Variants in COL26A1 observed in about 807,000 individuals in gnomAD.
The protein encoded by COL26A1 is collagen type XXVI alpha 1 chain.
COL26A1 carries 41 observed loss-of-function variants against 59.3 expected under a neutral mutation model. The observed-to-expected ratio is 0.69, with a 90% CI of 0.54 to 0.90. COL26A1 has a LOEUF of 0.90. COL26A1 is among the 40% of genes least tolerant of loss of function. The pLI is 0.00. For missense variants in COL26A1, 612 were observed against 602.3 expected (o/e 1.02, Z -0.17); for synonymous variants, 266 against 256.0 (o/e 1.04, Z -0.37).
intron 1 of COL26A1, among the ~76,000 whole-genome samples, chr7:101,375,714 A>G (rs2117016831): frequency 6.6e-6 from 1 of 152,004 alleles, no homozygotes; most frequent in African/African-American, 2.4e-5. Context: ...TTGGCCAGGC[A>G]CGGTGGCTCA....
chr7:101,500,864 CG>C (rs892230129), intron 3 of COL26A1, among the ~76,000 whole-genome samples: 5 of 151,508 alleles, frequency 3.3e-5, no homozygotes, highest in Non-Finnish European at 7.4e-5. Flanking sequence ...AGAAAAGTGC[CG>C]TGATTGTCTA....
intron 3 of COL26A1, among the ~76,000 whole-genome samples, chr7:101,489,796 T>TG (rs1794383730): frequency 5.4e-3 from 12 of 2,234 alleles, no homozygotes; most frequent in South Asian, 0.031. Context: ...CTTTCTTTCT[T>TG]TCTTTCTTTC....
intron 11 of COL26A1, among the ~76,000 whole-genome samples, chr7:101,555,417 C>T (rs1030141594): frequency 2.6e-5 from 4 of 152,112 alleles, no homozygotes; most frequent in Non-Finnish European, 5.9e-5. Context: ...GGTGCTCTGT[C>T]CTGGTTAGGG....
At chr7:101,515,982 G>A (rs908576127) in intron 3 of COL26A1, among the ~76,000 whole-genome samples, 12 of 152,252 alleles carry the variant, frequency 7.9e-5, no homozygotes, top group African/African-American at 2.9e-4. Flanking sequence ...AAGGCGAGGG[G>A]GATGCTTTGT....
rs945962389 is a variant in COL26A1, at chr7:101,363,262, T to A, written c.158+72T>A. 2.5e-5 allele frequency: 26 copies of A among 1,043,298 alleles called. No individual in the cohort carries two copies. In the African/African-American group the frequency reaches 5.5e-4, roughly 22 times the overall value. The allele number at this position is 1,043,298 out of a possible 1,614,324, so 64.6% of individuals were successfully genotyped here. The stretch of plus-strand genomic sequence containing the variant: ...GACAGCGGGGGCCCTGGCCACTGGG[T>A]GGCTGGAGCGAGGCTTGGGGGCTGG... On this transcript the variant is annotated intron_variant, in intron 1 of 12. Coordinates refer to ENST00000313669, the MANE Select transcript of COL26A1 (RefSeq NM_001278563.3).
chr7:101,470,081 G>A (rs1248368572), intron 3 of COL26A1, among the ~76,000 whole-genome samples: 3 of 151,692 alleles, frequency 2.0e-5, no homozygotes, highest in South Asian at 2.1e-4. Flanking sequence ...GAGGGGTCCC[G>A]GAGAAATGGA....
chr7:101,399,897 C>T (rs1206240843), intron 1 of COL26A1, among the ~76,000 whole-genome samples: 2 of 152,190 alleles, frequency 1.3e-5, no homozygotes, highest in Admixed American at 6.5e-5. Flanking sequence ...CCCCCGCTGC[C>T]CCTGGCCTTC....
At chr7:101,553,817 G>A (rs1795911356) in intron 11 of COL26A1, among the ~76,000 whole-genome samples, 1 of 152,154 alleles carries the variant, frequency 6.6e-6, no homozygotes, top group Admixed American at 6.5e-5. Flanking sequence ...GGATGTGGTA[G>A]AGGATGGATG....
Position 101,545,500 on chromosome 7 carries a change from GC to G in COL26A1, c.856+14del, listed in dbSNP as rs34947652. 1.3e-6 allele frequency: 2 copies of G among 1,594,518 alleles called. No homozygotes were observed. Among genetic ancestry groups the G allele is most frequent in the South Asian group, 2.2e-5 (2 of 88,944 alleles). ...CCTACAGACAAAGACAGTGAGTAAT[GC>G]CCCTGGGGGGCCAAGGGAGGGCTGA... On this transcript the variant is annotated intron_variant, in intron 7 of 12. Coordinates refer to ENST00000313669, the MANE Select transcript of COL26A1 (RefSeq NM_001278563.3).
At chr7:101,371,192 G>C (rs758274161) in intron 1 of COL26A1, among the ~76,000 whole-genome samples, 1 of 152,314 alleles carries the variant, frequency 6.6e-6, no homozygotes, top group East Asian at 1.9e-4. Flanking sequence ...GGACTCAAAC[G>C]TGAAGGCAGG....
intron 1 of COL26A1, among the ~76,000 whole-genome samples, chr7:101,413,259 C>T (rs928539366): frequency 6.6e-6 from 1 of 152,148 alleles, no homozygotes; most frequent in African/African-American, 2.4e-5. Context: ...TGGCTCGTGC[C>T]TATAATCCCA....
intron 1 of COL26A1, among the ~76,000 whole-genome samples, chr7:101,386,944 G>A (rs1222438560): frequency 6.6e-6 from 1 of 152,098 alleles, no homozygotes; most frequent in African/African-American, 2.4e-5. Context: ...TCTCAGCGTC[G>A]GACAGAGCAT....
At chr7:101,368,836 C>A (rs4236556) in intron 1 of COL26A1, among the ~76,000 whole-genome samples, 1 of 151,660 alleles carries the variant, frequency 6.6e-6, no homozygotes, top group East Asian at 1.9e-4. Context: ...TTTTAAAATT[C>A]GTAATTGCTA....
chr7:101,527,525 G>A (rs902285935), intron 3 of COL26A1, among the ~76,000 whole-genome samples: 6 of 150,570 alleles, frequency 4.0e-5, no homozygotes, highest in Non-Finnish European at 8.9e-5. Context: ...TAGTAGCGAC[G>A]GGGTTTCACC....
At chr7:101,540,146 T>A in intron 5 of COL26A1, 97 bp downstream of exon 5, 1 of 1,260,280 alleles carries the variant, frequency 7.9e-7, no homozygotes, top group Non-Finnish European at 1.1e-6. Flanking sequence ...CACTAGACAC[T>A]CTAGTTCCAA....
intron 3 of COL26A1, among the ~76,000 whole-genome samples, chr7:101,483,484 CT>C (rs1189087033): frequency 6.6e-6 from 1 of 152,056 alleles, no homozygotes; most frequent in Non-Finnish European, 1.5e-5. Flanking sequence ...GCATGAGCCA[CT>C]GTGCCCAGCC....
chr7:101,469,017 CACAAATGT>C (rs1793831362), intron 3 of COL26A1, among the ~76,000 whole-genome samples: 1 of 152,172 alleles, frequency 6.6e-6, no homozygotes, highest in African/African-American at 2.4e-5. Flanking sequence ...ACTCTCCCAG[CACAAATGT>C]TTCCATCTCC....
At chr7:101,431,409 G>A (rs569018537) in intron 2 of COL26A1, among the ~76,000 whole-genome samples, 1 of 151,860 alleles carries the variant, frequency 6.6e-6, no homozygotes, top group African/African-American at 2.4e-5. Context: ...TTGGGCGTGT[G>A]CCACCATGCC....
intron 2 of COL26A1, among the ~76,000 whole-genome samples, chr7:101,434,987 C>G (rs1792881762): frequency 6.6e-6 from 1 of 152,044 alleles, no homozygotes; most frequent in South Asian, 2.1e-4. Flanking sequence ...ACCTGGGGGA[C>G]TAGGAGATTT....
Sources: gnomAD v4.1 joint callset for allele counts (sites outside exome capture counted in the v4.1 genomes callset) on GRCh38, gnomAD v4.1.1 for gene constraint, MANE v1.5 for transcripts, NCBI Gene and HGNC (gene_info 2026-07-23, HGNC 2026-07-21) for gene names.